Variants in TTC28 observed in about 807,000 individuals in gnomAD.
TTC28 encodes the protein tetratricopeptide repeat domain 28.
A neutral mutation model predicts 198.0 loss-of-function variants in TTC28; 61 were observed. That is an observed-to-expected ratio of 0.31 (90% CI 0.25 to 0.38). The LOEUF (loss-of-function observed/expected upper bound fraction) is 0.38. Ranked by LOEUF, TTC28 falls within the 10% of genes least tolerant of loss-of-function variation. TTC28 has a pLI of 1.00. For missense variants in TTC28, 2,678 were observed against 3,164.0 expected (o/e 0.85, Z 3.69); for synonymous variants, 1,171 against 1,297.8 (o/e 0.90, Z 2.10).
intron 2 of TTC28, among the ~76,000 whole-genome samples, chr22:28,534,830 CAT>C (rs2049231196): frequency 6.6e-6 from 1 of 151,736 alleles, no homozygotes; most frequent in African/African-American, 2.4e-5. Context: ...CCAAACACCA[CAT>C]GTTCTCACTA....
chr22:28,517,794 T>C (rs2146415663), intron 2 of TTC28, among the ~76,000 whole-genome samples: 2 of 152,296 alleles, frequency 1.3e-5, no homozygotes, highest in Non-Finnish European at 2.9e-5. Flanking sequence ...ACTATTCTAA[T>C]TAGGGCTGTA....
intron 2 of TTC28, among the ~76,000 whole-genome samples, chr22:28,547,325 T>C (rs1186617176): frequency 6.6e-6 from 1 of 152,128 alleles, no homozygotes. Context: ...CCAAAGTTTT[T>C]CCCTGCACAA....
At chr22:28,578,026 G>C (rs555581400) in intron 2 of TTC28, among the ~76,000 whole-genome samples, 2 of 151,964 alleles carry the variant, frequency 1.3e-5, no homozygotes, top group East Asian at 3.9e-4. Flanking sequence ...GTTGTTTTGT[G>C]GTCTTCTCTT....
chr22:28,457,156 T>C (rs867857141), intron 2 of TTC28, among the ~76,000 whole-genome samples: 5 of 152,178 alleles, frequency 3.3e-5, no homozygotes, highest in Admixed American at 1.3e-4. Context: ...GCCCTTGCAG[T>C]GTCTTGTTTG....
intron 5 of TTC28, among the ~76,000 whole-genome samples, chr22:28,262,950 C>T (rs1336911133): frequency 1.3e-5 from 2 of 152,008 alleles, no homozygotes; most frequent in South Asian, 2.1e-4. Flanking sequence ...GCCCAACAAA[C>T]GGGTGAGAGG....
At chr22:28,511,735 T>C (rs2048691144) in intron 2 of TTC28, among the ~76,000 whole-genome samples, 1 of 151,926 alleles carries the variant, frequency 6.6e-6, no homozygotes, top group Admixed American at 6.6e-5. Context: ...GGAGAATTGT[T>C]TGAACTCAGG....
At chr22:28,199,383 T>TTATATATATATATA (rs34398046) in intron 5 of TTC28, among the ~76,000 whole-genome samples, 13 of 118,498 alleles carry the variant, frequency 1.1e-4, no homozygotes, top group African/African-American at 1.6e-4. Flanking sequence ...ACATTAAAAA[T>TTATATATATATATA]TATATATATA....
At chr22:28,481,844 C>G (rs2048250929) in intron 2 of TTC28, among the ~76,000 whole-genome samples, 1 of 152,104 alleles carries the variant, frequency 6.6e-6, no homozygotes, top group Non-Finnish European at 1.5e-5. Context: ...CACCCCCAAG[C>G]TGGAAGGATT....
chr22:28,055,377 A>G (rs1427736815), intron 12 of TTC28, among the ~76,000 whole-genome samples: 3 of 152,202 alleles, frequency 2.0e-5, no homozygotes, highest in Non-Finnish European at 4.4e-5. Flanking sequence ...AGCTCTATGT[A>G]TGAGACAAAA....
At chr22:28,065,149 G>C (rs1373313563) in intron 12 of TTC28, among the ~76,000 whole-genome samples, 4 of 152,166 alleles carry the variant, frequency 2.6e-5, no homozygotes, top group Non-Finnish European at 5.9e-5. Context: ...GGGTCAGCCA[G>C]GACAGACTCT....
At chr22:28,414,205 T>C (rs2047132491) in intron 2 of TTC28, among the ~76,000 whole-genome samples, 1 of 152,200 alleles carries the variant, frequency 6.6e-6, no homozygotes, top group African/African-American at 2.4e-5. Context: ...TGATCTCCTT[T>C]GGTTGGAATT....
chr22:28,257,749 T>TGGTA, intron 5 of TTC28, among the ~76,000 whole-genome samples: 1 of 37,756 alleles, frequency 2.6e-5, no homozygotes, highest in South Asian at 1.5e-3. Context: ...CATATATATA[T>TGGTA]ATATATATAT....
chr22:28,575,857 A>C (rs1379395279), intron 2 of TTC28, among the ~76,000 whole-genome samples: 1 of 152,214 alleles, frequency 6.6e-6, no homozygotes, highest in African/African-American at 2.4e-5. Context: ...TTTATTTTGT[A>C]TCCTGCAACT....
At chr22:28,365,212 T>C (rs747946720) in intron 2 of TTC28, among the ~76,000 whole-genome samples, 2 of 152,216 alleles carry the variant, frequency 1.3e-5, no homozygotes, top group African/African-American at 2.4e-5. Flanking sequence ...TAATAAAATA[T>C]TTTAAAATTA....
chr22:28,330,625 A>G (rs1051889314), intron 2 of TTC28, among the ~76,000 whole-genome samples: 1 of 152,182 alleles, frequency 6.6e-6, no homozygotes, highest in Non-Finnish European at 1.5e-5. Flanking sequence ...TGGCAGTATC[A>G]AAACGATTTC....
At chr22:28,464,946 G>C (rs1209152241) in intron 2 of TTC28, among the ~76,000 whole-genome samples, 1 of 152,152 alleles carries the variant, frequency 6.6e-6, no homozygotes, top group East Asian at 1.9e-4. Flanking sequence ...GAAATGACCT[G>C]ATATTGTGGT....
chr22:28,472,267 CT>C (rs1426169009), intron 2 of TTC28, among the ~76,000 whole-genome samples: 1 of 152,048 alleles, frequency 6.6e-6, no homozygotes, highest in African/African-American at 2.4e-5. Context: ...ATTGACATTT[CT>C]TTAGTTAAAT....
chr22:28,663,272 GA>G (rs2051780950), intron 1 of TTC28, among the ~76,000 whole-genome samples: 2 of 150,956 alleles, frequency 1.3e-5, no homozygotes. Flanking sequence ...AAGAAAGAAA[GA>G]AAGAAAAAGA....
chr22:28,163,075 G>C lies in TTC28; in HGVS notation c.1441+17C>G. On this transcript the variant is annotated intron_variant, in intron 6 of 22. Coordinates refer to ENST00000397906, the MANE Select transcript of TTC28 (RefSeq NM_001145418.2). ...CATGACTTTGACCTGGGCTCTTACA[G>C]GCAACCCTGTTCTTACCTAGATTGG... 1 of 1,527,170 alleles carries C rather than the reference G, an allele frequency of 6.5e-7. No homozygotes were observed. The highest frequency in any genetic ancestry group is 8.8e-7 in the Non-Finnish European group (1 of 1,134,160). 94.6% of individuals were successfully genotyped at this position (1,527,170 alleles called of 1,614,324 possible).
Sources: allele counts gnomAD v4.1 joint callset (sites outside exome capture counted in the v4.1 genomes callset), GRCh38; gene constraint gnomAD v4.1.1; transcripts MANE v1.5; gene names NCBI Gene and HGNC (gene_info 2026-07-23, HGNC 2026-07-21).